CCDC92B: variants seen among roughly 807,000 people sequenced by gnomAD.
CCDC92B encodes coiled-coil domain containing 92B, also known as coiled-coil domain-containing 92B.
In CCDC92B, 2 loss-of-function variants were observed where a neutral mutation model predicts 5.6. The ratio of observed to expected loss-of-function variants is 0.36; its 90% confidence interval spans 0.15 to 1.12. The LOEUF (loss-of-function observed/expected upper bound fraction) is 1.12. Ranked by LOEUF, CCDC92B falls within the 50% of genes most tolerant of loss-of-function variation. The probability of loss-of-function intolerance (pLI) is 0.40; values close to 1 mark genes in which losing one functional copy is unlikely to be tolerated. For synonymous variants in CCDC92B, 115 were observed against 122.3 expected (o/e 0.94, Z 0.39); for missense variants, 271 against 262.2 (o/e 1.03, Z -0.23).
intron 2 of CCDC92B, among the ~76,000 whole-genome samples, chr17:2,733,337 G>A (rs932366196): frequency 1.8e-4 from 27 of 147,964 alleles, no homozygotes; most frequent in Middle Eastern, 7.2e-3. Flanking sequence ...TCGGCTCACC[G>A]CAACCTCCGC....
chr17:2,733,661 A>G (rs1020602867), intron 2 of CCDC92B, among the ~76,000 whole-genome samples: 2 of 149,520 alleles, frequency 1.3e-5, no homozygotes, highest in African/African-American at 4.9e-5. Context: ...CTCCCGTCCA[A>G]TCTTCAGGGG....
intron 3 of CCDC92B, among the ~76,000 whole-genome samples, chr17:2,727,770 G>A (rs1009737140): frequency 3.3e-5 from 5 of 151,682 alleles, no homozygotes; most frequent in South Asian, 2.1e-4. Context: ...GTTGCAGTGA[G>A]CTGAGATCGC....
At position 2,737,101 on chromosome 17, in the gene CCDC92B, ACT is replaced by A. The variant is rs370886745; in HGVS notation, c.-23-1935_-23-1934del. Among the ~76,000 whole-genome samples, 22 of 151,468 alleles carry A rather than the reference ACT, an allele frequency of 1.5e-4. 1 individual carries two copies. In the South Asian group the frequency reaches 3.8e-3, roughly 26 times the overall value. ...TTCTGGCTCCGCCCCCTTCCCCATG[ACT>A]CTGTTCTGTGATAATCAGCATCTTG... is the stretch of plus-strand genomic sequence containing the variant. On this transcript the variant is annotated intron_variant, in intron 1 of 3. Transcript: ENST00000614400.
intron 3 of CCDC92B, among the ~76,000 whole-genome samples, chr17:2,728,632 T>C (rs751439630): frequency 1.3e-4 from 20 of 150,708 alleles, no homozygotes; most frequent in Non-Finnish European, 2.4e-4. Flanking sequence ...AACAAAAAGA[T>C]GAAGACATTG....
intron 1 of CCDC92B, among the ~76,000 whole-genome samples, chr17:2,740,989 A>G (rs1320130357): frequency 6.6e-6 from 1 of 151,308 alleles, no homozygotes; most frequent in South Asian, 2.1e-4. Flanking sequence ...AAAAAAAAAA[A>G]AAAGAGCCAG....
At chr17:2,748,074 T>G in intron 1 of CCDC92B, 2 of 525,704 alleles carry the variant, frequency 3.8e-6, no homozygotes, top group Non-Finnish European at 7.7e-6. Flanking sequence ...CGTCCTGGCG[T>G]TTATGGCTTC....
At chr17:2,743,878 A>G (rs1319755442) in intron 1 of CCDC92B, among the ~76,000 whole-genome samples, 1 of 151,200 alleles carries the variant, frequency 6.6e-6, no homozygotes, top group Non-Finnish European at 1.5e-5. Flanking sequence ...ATTTTTATGT[A>G]TTTTTTTTTA....
In CCDC92B at chr17:2,744,898, G is replaced by A. The variant is rs118181837; in HGVS notation, c.-24+4513C>T. On this transcript the variant is annotated intron_variant, in intron 1 of 3. Transcript: ENST00000614400. ...AAACATGGTGAAACCCTGAAACCCCGTCTCTACTAAAGATACAAAAATTAG... is the reference window on the plus strand; with the variant it reads ...AAACATGGTGAAACCCTGAAACCCCATCTCTACTAAAGATACAAAAATTAG... Among the ~76,000 whole-genome samples, 210 of 151,630 alleles carry A rather than the reference G, an allele frequency of 1.4e-3. 2 individuals are homozygous for A. The highest frequency in any genetic ancestry group is 2.4e-3 in the Non-Finnish European group (166 of 67,914).
rs11340880 is a variant in CCDC92B, at chr17:2,728,311, C to CA, written c.178+2134dup. Among the ~76,000 whole-genome samples, 87 of 135,070 alleles carry CA rather than the reference C, an allele frequency of 6.4e-4. 1 individual carries two copies. The highest frequency in any genetic ancestry group is 6.6e-4 in the East Asian group (3 of 4,572). 88.6% of individuals were successfully genotyped at this position (135,070 alleles called of 152,430 possible). A position where few individuals can be genotyped will look rare whatever the true frequency, so the allele number is the denominator to read the frequency against. ...CCAGCCTGGGTGACAGAGTATGTCT[C>CA]AAAAAAAAAAAAAAGGCCAGACGCG... On this transcript the variant is annotated intron_variant, in intron 3 of 3. Transcript: ENST00000614400.
intron 1 of CCDC92B, among the ~76,000 whole-genome samples, chr17:2,747,789 T>C (rs2071004371): frequency 6.6e-6 from 1 of 152,182 alleles, no homozygotes; most frequent in East Asian, 1.9e-4. Flanking sequence ...ATGGCCTGAC[T>C]CAGAGGCCTG....
At chr17:2,733,743 G>GTT (rs1567614345) in intron 2 of CCDC92B, among the ~76,000 whole-genome samples, 7 of 81,544 alleles carry the variant, frequency 8.6e-5, no homozygotes, top group African/African-American at 2.6e-4. Flanking sequence ...AGGACCACTG[G>GTT]CTTTTTTTTT....
chr17:2,749,085 G>A (rs1035196554), intron 1 of CCDC92B, among the ~76,000 whole-genome samples: 2 of 152,230 alleles, frequency 1.3e-5, no homozygotes, highest in African/African-American at 4.8e-5. Context: ...GGGTTGGGGG[G>A]GGGATGTGGA....
At chr17:2,727,765 A>G (rs996863442) in intron 3 of CCDC92B, among the ~76,000 whole-genome samples, 28 of 150,578 alleles carry the variant, frequency 1.9e-4, no homozygotes, top group African/African-American at 5.8e-4. Context: ...CGGAGGTTGC[A>G]GTGAGCTGAG....
chr17:2,729,424 G>A lies in CCDC92B; in HGVS notation c.178+1022C>T, dbSNP rs1024085731. 7.9e-5 allele frequency among the ~76,000 whole-genome samples: 12 copies of A among 151,712 alleles called. 1 individual carries two copies. The Middle Eastern group carries it at 0.01, about 129-fold the overall frequency. On this transcript the variant is annotated intron_variant, in intron 3 of 3. Transcript: ENST00000614400. ...CAGGAGAATCACTTGAACACGGGAGGTGGAGGTTGCAGTGAGCCGAGATCG... is the reference window on the plus strand; with the variant it reads ...CAGGAGAATCACTTGAACACGGGAGATGGAGGTTGCAGTGAGCCGAGATCG...
intron 1 of CCDC92B, chr17:2,748,205 GC>G: frequency 3.5e-6 from 2 of 576,792 alleles, no homozygotes; most frequent in Non-Finnish European, 3.3e-6. Flanking sequence ...TCTTCCAGTA[GC>G]CCAGTAGCCA....
chr17:2,727,820 T>A (rs1182938848), intron 3 of CCDC92B, among the ~76,000 whole-genome samples: 1 of 113,696 alleles, frequency 8.8e-6, no homozygotes, highest in Non-Finnish European at 2.0e-5. Flanking sequence ...TGAGACTCCG[T>A]CTCAAAAAAA....
chr17:2,748,508 G>T (rs1402182232), intron 1 of CCDC92B: 30 of 100,972 alleles, frequency 3.0e-4, no homozygotes, highest in Non-Finnish European at 3.8e-4. Flanking sequence ...CATCGTGTTT[G>T]TGTGTGTGTG....
At position 2,725,234 on chromosome 17, in the gene CCDC92B, C is replaced by CGTG. The variant is rs147255150; in HGVS notation, c.179-237_179-235dup. On this transcript the variant is annotated intron_variant, in intron 3 of 3. Coordinates refer to ENST00000614400, the MANE Select transcript of CCDC92B (RefSeq NM_001355573.2). Reference sequence around the variant, plus strand: ...ACTAAAAATACAAAAATTAGCCGGGCGTGGTGGTGGTGGTGGTGGGCGCCT... The same window carrying CGTG: ...ACTAAAAATACAAAAATTAGCCGGGCGTGGTGGTGGTGGTGGTGGTGGGCGCCT... Among the ~76,000 whole-genome samples, 13 of 150,856 alleles carry CGTG rather than the reference C, an allele frequency of 8.6e-5. No individual in the cohort carries two copies. In the South Asian group the frequency reaches 1.3e-3, roughly 15 times the overall value.
At chr17:2,741,483 C>T (rs911156166) in intron 1 of CCDC92B, among the ~76,000 whole-genome samples, 20 of 146,634 alleles carry the variant, frequency 1.4e-4, no homozygotes, top group South Asian at 4.3e-4. Context: ...TCGAGACCAG[C>T]CTGGCCAACA....
Sources: gnomAD v4.1 joint callset for allele counts (sites outside exome capture counted in the v4.1 genomes callset) on GRCh38, gnomAD v4.1.1 for gene constraint, MANE v1.5 for transcripts, NCBI Gene and HGNC (gene_info 2026-07-23, HGNC 2026-07-21) for gene names.